The following RRN3 variants were observed in gnomAD, a reference collection of about 807,000 sequenced individuals.
RRN3 encodes RNA polymerase I transcription factor RRN3.
RRN3 carries 38 observed loss-of-function variants against 82.3 expected under a neutral mutation model. The observed-to-expected ratio is 0.46, with a 90% CI of 0.36 to 0.61. The LOEUF (loss-of-function observed/expected upper bound fraction) is 0.61. Ranked by LOEUF, RRN3 falls within the 20% of genes least tolerant of loss-of-function variation. The pLI, the probability that RRN3 is intolerant of heterozygous loss-of-function variation, is 0.00. For synonymous variants in RRN3, 284 were observed against 284.3 expected (o/e 1.00, Z 0.01); for missense variants, 726 against 793.1 (o/e 0.92, Z 1.02).
At chr16:15,077,870 T>C (rs2045532311) in intron 9 of RRN3, among the ~76,000 whole-genome samples, 1 of 152,030 alleles carries the variant, frequency 6.6e-6, no homozygotes, top group African/African-American at 2.4e-5. Flanking sequence ...CTCTTTTTCT[T>C]CCCAGGCTCA....
intron 1 of RRN3, 111 bp from the exon 2 acceptor site, chr16:15,092,725 T>A (rs571327139): frequency 5.6e-6 from 4 of 715,260 alleles, no homozygotes; most frequent in Non-Finnish European, 9.7e-6. Context: ...AAGGCCTCTT[T>A]ACTGGTCTCC....
Position 15,070,192 on chromosome 16 carries a change from T to G in RRN3, c.1322A>C (p.Asp441Ala), listed in dbSNP as rs775034897. The G allele has an allele frequency of 6.2e-7, 1 of 1,608,436 alleles. No individual in the cohort carries two copies. Residue 441 changes from aspartate (D) to alanine (A), a missense_variant, in exon 14 of 18, where the codon GAT (aspartate) becomes GCT (alanine). Coordinates refer to ENST00000198767, the MANE Select transcript of RRN3 (RefSeq NM_018427.5). ...NWLHIYLNNQ[D>A]SGTKAFCDVA... ...ATCGCAGAATGCCTTTGTTCCCGAA[T>G]CCTGGTTATTAAGGTATATGTGCAG... is the stretch of plus-strand genomic sequence containing the variant.
chr16:15,072,941 C>T lies in RRN3; in HGVS notation c.1128+9G>A. On this transcript the variant is annotated intron_variant, in intron 12 of 17. Coordinates refer to ENST00000198767, the MANE Select transcript of RRN3 (RefSeq NM_018427.5). ...AAGCTAAGATAATGTTAATCACATT[C>T]TTACTCACCAATTTGAAACTACAGA... 6.2e-7 allele frequency: 1 copy of T among 1,613,234 alleles called. No individual in the cohort carries two copies. The highest frequency in any genetic ancestry group is 8.5e-7 in the Non-Finnish European group (1 of 1,179,800).
intron 9 of RRN3, 99 bp downstream of exon 9, chr16:15,079,899 G>A (rs2045625567): frequency 3.0e-6 from 4 of 1,322,508 alleles, no homozygotes; most frequent in Non-Finnish European, 3.1e-6. Flanking sequence ...GCCTGGCCAA[G>A]TGGATTCTTT....
intron 9 of RRN3, among the ~76,000 whole-genome samples, chr16:15,077,362 G>C (rs1242905303): frequency 1.3e-5 from 2 of 152,060 alleles, no homozygotes; most frequent in Admixed American, 1.3e-4. Context: ...TTGAATCATA[G>C]GGTAGGTTTC....
Position 15,088,118 on chromosome 16 carries a change from A to G in RRN3, c.253-1664T>C, listed in dbSNP as rs535258269. On this transcript the variant is annotated intron_variant, in intron 3 of 17. Coordinates refer to ENST00000198767, the MANE Select transcript of RRN3 (RefSeq NM_018427.5). The stretch of plus-strand genomic sequence containing the variant: ...GCAACAAGAGCAAAACTCCGTCTCA[A>G]AAAGAAAAAAAAAAAGTAAATCAGT... 2.5e-3 allele frequency among the ~76,000 whole-genome samples: 381 copies of G among 151,228 alleles called. 1 individual carries two copies. Among genetic ancestry groups the G allele is most frequent in the African/African-American group, 8.8e-3 (357 of 40,670 alleles).
chr16:15,089,040 C>T (rs1441781574), intron 3 of RRN3, among the ~76,000 whole-genome samples: 2 of 152,098 alleles, frequency 1.3e-5, no homozygotes, highest in Non-Finnish European at 2.9e-5. Context: ...GAGTGGCTCA[C>T]GTCTATAATC....
rs2045061845 is a variant in RRN3 at position 15,068,212 on chromosome 16, T to C, written c.1510A>G (p.Ile504Val). ...IVMSQLNPLK[I>V]CLPSVVNFFA... ...AAGTTAACCACTGAGGGCAGGCAAATCTTCAGGGGATTTAGCTGGCTCATC... is the reference window on the plus strand; with the variant it reads ...AAGTTAACCACTGAGGGCAGGCAAACCTTCAGGGGATTTAGCTGGCTCATC... The change falls in exon 15 of 18, where the codon ATT (isoleucine) becomes GTT (valine). Residue 504 changes from isoleucine (I) to valine (V), a missense_variant. By Grantham distance (29) the Ile-to-Val change is conservative. Around this residue, in one of 4 missense-constraint regions of RRN3, gnomAD observed 81 missense variants for 156.4 expected, o/e 0.52. Transcript: ENST00000198767. The C allele has an allele frequency of 1.3e-6, 2 of 1,597,554 alleles. No individual in the cohort carries two copies. The highest frequency in any genetic ancestry group is 1.7e-6 in the Non-Finnish European group (2 of 1,172,272).
At chr16:15,075,468 G>A (rs934353579) in intron 10 of RRN3, among the ~76,000 whole-genome samples, 1 of 151,660 alleles carries the variant, frequency 6.6e-6, no homozygotes, top group Non-Finnish European at 1.5e-5. Context: ...TACTCGGGGA[G>A]GCTGAGGTGG....
chr16:15,084,383 T>C (rs2045831066), intron 7 of RRN3, among the ~76,000 whole-genome samples: 1 of 152,158 alleles, frequency 6.6e-6, no homozygotes, highest in Non-Finnish European at 1.5e-5. Context: ...AGCATATCTG[T>C]TGAAGATAAA....
intron 15 of RRN3, 82 bp from the exon 16 acceptor site, chr16:15,065,453 T>C (rs1297799334): frequency 4.2e-6 from 5 of 1,190,342 alleles, no homozygotes; most frequent in Non-Finnish European, 3.6e-6. Flanking sequence ...GTGTGACAAC[T>C]GTACCTACCA....
chr16:15,073,569 G>A (rs990753499), intron 11 of RRN3, among the ~76,000 whole-genome samples: 23 of 152,178 alleles, frequency 1.5e-4, no homozygotes, highest in Non-Finnish European at 5.9e-5. Context: ...CTGCAAGGAA[G>A]CAGGCCCTCA....
In RRN3 at chr16:15,091,041, T is replaced by C. The variant is rs4012871; in HGVS notation, c.252+274A>G. On this transcript the variant is annotated intron_variant, in intron 3 of 17. Coordinates refer to ENST00000198767, the MANE Select transcript of RRN3 (RefSeq NM_018427.5). ...GATCACTCTTGGTTCTGGGAGGCTG[T>C]CCTGTGCACTGTGAGATGTTTAGCA... Among the ~76,000 whole-genome samples, 4 of 152,192 alleles carry C rather than the reference T, an allele frequency of 2.6e-5. No individual in the cohort carries two copies. In the East Asian group the frequency reaches 7.7e-4, roughly 29 times the overall value.
chr16:15,083,376 G>A, intron 8 of RRN3, 137 bp downstream of exon 8: 5 of 1,379,510 alleles, frequency 3.6e-6, no homozygotes, highest in Non-Finnish European at 4.9e-6. Flanking sequence ...TCCAGCTTGG[G>A]CGACAGAGTG....
Position 15,061,668 on chromosome 16 carries a change from G to A in RRN3, c.*76C>T. 7.0e-7 allele frequency: 1 copy of A among 1,425,584 alleles called. No homozygotes were observed. Among genetic ancestry groups the A allele is most frequent in the Non-Finnish European group, 9.7e-7 (1 of 1,029,522 alleles). The allele number at this position is 1,425,584 out of a possible 1,614,324, so 88.3% of individuals were successfully genotyped here. On this transcript the variant is annotated 3_prime_UTR_variant, in exon 18 of 18. Transcript: ENST00000198767. Reference sequence around the variant, plus strand: ...AGTTCAATGCCATCAATGCCCAATGGCACAAGCTGGGTGCTGAGGGCATGA... The same window carrying A: ...AGTTCAATGCCATCAATGCCCAATGACACAAGCTGGGTGCTGAGGGCATGA...
rs1400318380 is a variant in RRN3 at position 15,061,203 on chromosome 16, C to G, written c.*541G>C. On this transcript the variant is annotated 3_prime_UTR_variant, in exon 18 of 18. Coordinates refer to ENST00000198767, the MANE Select transcript of RRN3 (RefSeq NM_018427.5). ...GGCCAGCTCTCAGCTTTCCTTCTGT[C>G]TTCTCTACACTCCCTTGAAATCCCA... 1 of 152,286 alleles carries G rather than the reference C, an allele frequency of 6.6e-6. No individual in the cohort carries two copies. Among genetic ancestry groups the G allele is most frequent in the Non-Finnish European group, 1.5e-5 (1 of 68,116 alleles). The allele number at this position is 152,286 out of a possible 1,614,324, so 9.4% of individuals were successfully genotyped here.
rs775034897 is a variant in RRN3, at chr16:15,070,192, T to C, written c.1322A>G (p.Asp441Gly). 1.2e-6 allele frequency: 2 copies of C among 1,608,554 alleles called. No individual in the cohort carries two copies. Among genetic ancestry groups the C allele is most frequent in the Non-Finnish European group, 1.7e-6 (2 of 1,179,074 alleles). Residue 441 changes from aspartate to glycine, a missense_variant, in exon 14 of 18, where the codon GAT becomes GGT. Asp to Gly is a moderately conservative substitution (Grantham distance 94, BLOSUM62 -1). Around this residue, in one of 4 missense-constraint regions of RRN3, gnomAD observed 81 missense variants for 156.4 expected, o/e 0.52. Transcript: ENST00000198767. ...NWLHIYLNNQDSGTKAFCDVA... is the reference protein window; with the variant it reads ...NWLHIYLNNQGSGTKAFCDVA... Reference sequence around the variant, plus strand: ...ATCGCAGAATGCCTTTGTTCCCGAATCCTGGTTATTAAGGTATATGTGCAG... The same window carrying C: ...ATCGCAGAATGCCTTTGTTCCCGAACCCTGGTTATTAAGGTATATGTGCAG...
chr16:15,063,322 C>A, intron 16 of RRN3, 39 bp from the exon 17 acceptor site: 1 of 1,487,210 alleles, frequency 6.7e-7, no homozygotes, highest in Non-Finnish European at 9.4e-7. Context: ...AAGTTAAATA[C>A]TTCGGCAGAA....
chr16:15,077,268 C>T (rs1330140007), intron 9 of RRN3, among the ~76,000 whole-genome samples: 5 of 152,146 alleles, frequency 3.3e-5, no homozygotes, highest in Admixed American at 2.6e-4. Context: ...CATGAGCCAC[C>T]GCGCCTGGCC....
Sources: gnomAD v4.1 joint callset for allele counts (sites outside exome capture counted in the v4.1 genomes callset) on GRCh38, gnomAD v4.1.1 for gene constraint, gnomAD v4.1.1 regional missense constraint, MANE v1.5 for transcripts, NCBI Gene and HGNC (gene_info 2026-07-23, HGNC 2026-07-21) for gene names.